The following OPCML variants were observed in gnomAD, a reference collection of about 807,000 sequenced individuals.
The protein encoded by OPCML is opioid-binding protein/cell adhesion molecule.
OPCML carries 13 observed loss-of-function variants against 37.8 expected under a neutral mutation model. The ratio of observed to expected loss-of-function variants is 0.34; its 90% CI spans 0.22 to 0.55. The LOEUF is 0.55. Among genes scored for constraint, OPCML ranks in the 20% least tolerant of loss-of-function variants. OPCML has a pLI of 0.91. For missense variants in OPCML, 341 were observed against 435.6 expected (o/e 0.78, Z 1.93); for synonymous variants, 176 against 168.8 (o/e 1.04, Z -0.33).
At chr11:132,606,675 CCGTG>C (rs1938322437) in intron 3 of OPCML, among the ~76,000 whole-genome samples, 1 of 37,204 alleles carries the variant, frequency 2.7e-5, no homozygotes, top group Non-Finnish European at 6.9e-5. Flanking sequence ...GCCAATGGGA[CCGTG>C]ACTGCCGTGA....
At chr11:133,253,145 C>CCA (rs1941197156) in intron 1 of OPCML, among the ~76,000 whole-genome samples, 1 of 99,220 alleles carries the variant, frequency 1.0e-5, no homozygotes, top group Admixed American at 9.9e-5. Context: ...GACTCTGTCT[C>CCA]AAAAAAAAAA....
intron 2 of OPCML, chr11:132,810,767 C>T (rs1474447938): frequency 2.0e-5 from 3 of 152,114 alleles, no homozygotes; most frequent in African/African-American, 7.2e-5. Flanking sequence ...AAAATGTTTC[C>T]TCTGGGCACC....
Position 132,791,410 on chromosome 11 carries a change from T to C in OPCML, c.147-134091A>G, listed in dbSNP as rs557860289. On this transcript the variant is annotated intron_variant, in intron 2 of 7. Coordinates refer to ENST00000524381, the MANE Select transcript of OPCML (RefSeq NM_001012393.5). ...CTGGCATGGCAAATTTCTAGATTCC[T>C]ATAGTTCTAAAATCTCTAATAACAA... Among the ~76,000 whole-genome samples, 3 of 152,326 alleles carry C rather than the reference T, an allele frequency of 2.0e-5. No individual in the cohort carries two copies. The East Asian group carries it at 5.8e-4, about 29-fold the overall frequency.
chr11:132,444,239 C>T (rs1007508724), intron 4 of OPCML, among the ~76,000 whole-genome samples: 4 of 152,170 alleles, frequency 2.6e-5, no homozygotes, highest in Admixed American at 1.3e-4. Context: ...GTTGGTCACC[C>T]GCCTCCCATG....
chr11:132,843,611 CAAAA>C (rs11284432), intron 2 of OPCML, among the ~76,000 whole-genome samples: 2 of 144,592 alleles, frequency 1.4e-5, no homozygotes, highest in Non-Finnish European at 1.5e-5. Flanking sequence ...AGCCTGGCAC[CAAAA>C]AAAAAAAAAA....
At chr11:132,856,803 G>A (rs965296250) in intron 2 of OPCML, among the ~76,000 whole-genome samples, 5 of 152,202 alleles carry the variant, frequency 3.3e-5, no homozygotes. Context: ...AGGATCAGGA[G>A]AGACACAAAT....
At position 132,613,280 on chromosome 11, in the gene OPCML, C is replaced by A. The variant is rs186178321; in HGVS notation, c.379+43807G>T. 9.2e-5 allele frequency among the ~76,000 whole-genome samples: 14 copies of A among 152,308 alleles called. No homozygotes were observed. The East Asian group carries it at 2.7e-3, about 29-fold the overall frequency. ...TCTTGGGTAAACCTTTGCCGGTGTACAACAGGATACATGCCCTTTTACAAA... is the reference window on the plus strand; with the variant it reads ...TCTTGGGTAAACCTTTGCCGGTGTAAAACAGGATACATGCCCTTTTACAAA... On this transcript the variant is annotated intron_variant, in intron 3 of 7. Transcript: ENST00000524381.
At chr11:132,557,269 G>A (rs182281253) in intron 3 of OPCML, among the ~76,000 whole-genome samples, 1 of 152,282 alleles carries the variant, frequency 6.6e-6, no homozygotes, top group African/African-American at 2.4e-5. Flanking sequence ...TGACAGTGGT[G>A]GATTCCAAGG....
Position 133,008,393 on chromosome 11 carries a change from C to T in OPCML, c.62-65383G>A, listed in dbSNP as rs905314337. 9 of 985,254 alleles carry T rather than the reference C, an allele frequency of 9.1e-6. No homozygotes were observed. In the East Asian group the frequency reaches 3.4e-4, roughly 37 times the overall value. The allele number at this position is 985,254 out of a possible 1,614,324, so 61.0% of individuals were successfully genotyped here. On this transcript the variant is annotated intron_variant, in intron 1 of 7. Transcript: ENST00000524381. ...TCAGAGCACAATTTCAGAGGACATCCGAGATTGTGCTCAGGAGGTCCTTTT... is the reference window on the plus strand; with the variant it reads ...TCAGAGCACAATTTCAGAGGACATCTGAGATTGTGCTCAGGAGGTCCTTTT...
At chr11:132,846,464 T>C (rs1941545891) in intron 2 of OPCML, among the ~76,000 whole-genome samples, 1 of 152,214 alleles carries the variant, frequency 6.6e-6, no homozygotes, top group South Asian at 2.1e-4. Flanking sequence ...CTCATAAATA[T>C]CTGCTTCCTA....
chr11:133,470,702 T>C (rs142938582), intron 1 of OPCML, among the ~76,000 whole-genome samples: 2,043 of 152,324 alleles, frequency 0.013, 55 homozygotes, highest in African/African-American at 0.046. Flanking sequence ...CACTTTGTGC[T>C]TTGGCAGACC....
At chr11:132,762,214 C>G (rs1946289271) in intron 2 of OPCML, among the ~76,000 whole-genome samples, 1 of 152,282 alleles carries the variant, frequency 6.6e-6, no homozygotes, top group Admixed American at 6.5e-5. Context: ...TGCCAAGATG[C>G]CAGCTGGAGC....
chr11:133,039,151 G>A (rs943525130), intron 1 of OPCML, among the ~76,000 whole-genome samples: 2 of 152,150 alleles, frequency 1.3e-5, no homozygotes, highest in Non-Finnish European at 2.9e-5. Flanking sequence ...GGGTTGGCAG[G>A]GGAGTGCCAG....
At chr11:133,120,480 A>AT (rs1182240906) in intron 1 of OPCML, among the ~76,000 whole-genome samples, 1 of 152,190 alleles carries the variant, frequency 6.6e-6, no homozygotes, top group East Asian at 1.9e-4. Context: ...AGCTTCAAGC[A>AT]TTTTTTATGA....
At chr11:132,807,283 C>A (rs1441139324) in intron 2 of OPCML, among the ~76,000 whole-genome samples, 1 of 152,004 alleles carries the variant, frequency 6.6e-6, no homozygotes, top group Non-Finnish European at 1.5e-5. Context: ...AAAGAATAAT[C>A]ATGATTAAGC....
intron 2 of OPCML, among the ~76,000 whole-genome samples, chr11:132,911,321 T>A (rs932609391): frequency 6.6e-6 from 1 of 152,222 alleles, no homozygotes; most frequent in Non-Finnish European, 1.5e-5. Context: ...AACCAGTAGA[T>A]GAGTCACTAA....
At chr11:133,436,699 T>G (rs1247056894) in intron 1 of OPCML, among the ~76,000 whole-genome samples, 2 of 152,236 alleles carry the variant, frequency 1.3e-5, no homozygotes, top group African/African-American at 4.8e-5. Flanking sequence ...GCTTACTAGC[T>G]GTGTGACCTT....
At chr11:132,855,432 C>T (rs1368507778) in intron 2 of OPCML, among the ~76,000 whole-genome samples, 4 of 152,158 alleles carry the variant, frequency 2.6e-5, no homozygotes, top group Non-Finnish European at 5.9e-5. Context: ...CTTGGCTCAC[C>T]GTGCATTAAT....
intron 2 of OPCML, among the ~76,000 whole-genome samples, chr11:132,903,278 T>C (rs1368195275): frequency 6.6e-6 from 1 of 152,218 alleles, no homozygotes; most frequent in Admixed American, 6.5e-5. Flanking sequence ...GTTTCCCATA[T>C]GTGACCAAGG....
Sources: allele counts gnomAD v4.1 joint callset (sites outside exome capture counted in the v4.1 genomes callset), GRCh38; gene constraint gnomAD v4.1.1; transcripts MANE v1.5; gene names NCBI Gene and HGNC (gene_info 2026-07-23, HGNC 2026-07-21).